Variants in DPP10 observed in about 807,000 individuals in gnomAD.
DPP10 encodes the protein inactive dipeptidyl peptidase 10.
DPP10 carries 33 observed loss-of-function variants against 120.9 expected under a neutral mutation model. The ratio of observed to expected loss-of-function variants is 0.27; its 90% CI spans 0.21 to 0.37. The LOEUF (loss-of-function observed/expected upper bound fraction) is 0.37. Among genes scored for constraint, DPP10 ranks in the 10% least tolerant of loss-of-function variants. DPP10 has a pLI of 1.00. For synonymous variants in DPP10, 337 were observed against 326.1 expected (o/e 1.03, Z -0.36); for missense variants, 816 against 942.8 (o/e 0.87, Z 1.76).
At chr2:114,705,421 T>C (rs1221299072) in intron 1 of DPP10, among the ~76,000 whole-genome samples, 1 of 152,126 alleles carries the variant, frequency 6.6e-6, no homozygotes, top group African/African-American at 2.4e-5. Context: ...ATTCATAAGA[T>C]GTATATTATG....
chr2:114,981,437 A>G (rs957526162), intron 1 of DPP10, among the ~76,000 whole-genome samples: 2 of 152,252 alleles, frequency 1.3e-5, no homozygotes, highest in Non-Finnish European at 2.9e-5. Context: ...TACATAAAAG[A>G]TATACACATA....
intron 1 of DPP10, among the ~76,000 whole-genome samples, chr2:114,481,427 C>A (rs1366870515): frequency 6.6e-6 from 1 of 152,028 alleles, no homozygotes; most frequent in Non-Finnish European, 1.5e-5. Context: ...CAAATGCTAA[C>A]AAGAATGTTG....
intron 1 of DPP10, among the ~76,000 whole-genome samples, chr2:114,878,072 A>G (rs1219376964): frequency 2.0e-5 from 3 of 152,138 alleles, no homozygotes; most frequent in Admixed American, 2.0e-4. Context: ...TTTAATAACA[A>G]GAAAAGAAGA....
intron 24 of DPP10, among the ~76,000 whole-genome samples, chr2:115,837,237 G>A (rs181822528): frequency 6.6e-5 from 10 of 152,124 alleles, no homozygotes; most frequent in Admixed American, 6.5e-4. Context: ...CTTTAAAAAG[G>A]CACTTTCATA....
chr2:114,555,395 G>A (rs112728046), intron 1 of DPP10, among the ~76,000 whole-genome samples: 9 of 152,168 alleles, frequency 5.9e-5, no homozygotes, highest in South Asian at 2.1e-4. Context: ...TTGTAGTGGG[G>A]AAGACAGGAA....
chr2:115,110,401 T>C (rs1224738632), intron 1 of DPP10, among the ~76,000 whole-genome samples: 1 of 152,156 alleles, frequency 6.6e-6, no homozygotes, highest in East Asian at 1.9e-4. Context: ...AATGAATTAC[T>C]AGGAAAAGGA....
chr2:115,617,272 T>TATATATA (rs58444943), intron 5 of DPP10, among the ~76,000 whole-genome samples: 2,120 of 135,802 alleles, frequency 0.016, 53 homozygotes, highest in African/African-American at 0.049. Context: ...TATATATTTT[T>TATATATA]TATATATATA....
At chr2:114,495,208 C>T (rs1292498787) in intron 1 of DPP10, among the ~76,000 whole-genome samples, 1 of 152,148 alleles carries the variant, frequency 6.6e-6, no homozygotes, top group Non-Finnish European at 1.5e-5. Flanking sequence ...TCCTCATCCA[C>T]AGCCATGTCA....
At chr2:115,104,640 C>A (rs184272073) in intron 1 of DPP10, among the ~76,000 whole-genome samples, 234 of 152,194 alleles carry the variant, frequency 1.5e-3, no homozygotes, top group African/African-American at 5.2e-3. Flanking sequence ...CACTGCCCTC[C>A]AATATAACAT....
intron 1 of DPP10, among the ~76,000 whole-genome samples, chr2:114,723,501 G>A (rs1050234180): frequency 6.6e-6 from 1 of 152,166 alleles, no homozygotes; most frequent in Admixed American, 6.5e-5. Context: ...CACTTCAACC[G>A]TAACTTCTCT....
chr2:114,967,291 G>C (rs1343452519), intron 1 of DPP10, among the ~76,000 whole-genome samples: 1 of 152,206 alleles, frequency 6.6e-6, no homozygotes, highest in African/African-American at 2.4e-5. Flanking sequence ...CATGGATCTG[G>C]TGTCCAAGTG....
At chr2:115,599,291 G>A (rs774950644) in intron 5 of DPP10, among the ~76,000 whole-genome samples, 5 of 151,914 alleles carry the variant, frequency 3.3e-5, no homozygotes, top group Non-Finnish European at 7.4e-5. Context: ...CCCCTTCTGG[G>A]ACTCAATTAC....
intron 1 of DPP10, among the ~76,000 whole-genome samples, chr2:115,018,648 A>T (rs1032222111): frequency 2.0e-5 from 3 of 152,104 alleles, no homozygotes; most frequent in African/African-American, 7.2e-5. Context: ...ACTCATAAGT[A>T]GGAGCTGAAC....
At chr2:115,064,841 T>G (rs1349844454) in intron 1 of DPP10, 1 of 1,303,548 alleles carries the variant, frequency 7.7e-7, no homozygotes, top group African/African-American at 1.5e-5. Context: ...TTAGTCTTCT[T>G]TCTAGCAGGG....
At chr2:115,441,769 A>AT (rs565194850) in intron 3 of DPP10, among the ~76,000 whole-genome samples, 1 of 144,288 alleles carries the variant, frequency 6.9e-6, no homozygotes, top group Admixed American at 6.8e-5. Context: ...AAACTTTTAA[A>AT]TTTTTTTGTC....
intron 1 of DPP10, among the ~76,000 whole-genome samples, chr2:114,964,099 G>C (rs2420588): frequency 1.3e-5 from 2 of 152,194 alleles, no homozygotes; most frequent in South Asian, 4.1e-4. Flanking sequence ...ATATTTGATT[G>C]CCTTATTTGT....
intron 1 of DPP10, among the ~76,000 whole-genome samples, chr2:115,305,550 T>C (rs1430909112): frequency 1.3e-5 from 2 of 151,824 alleles, no homozygotes; most frequent in Non-Finnish European, 2.9e-5. Flanking sequence ...CTGGGCAACA[T>C]AGAAGACCTC....
chr2:114,495,212 C>T (rs536369612), intron 1 of DPP10, among the ~76,000 whole-genome samples: 1 of 152,230 alleles, frequency 6.6e-6, no homozygotes, highest in East Asian at 1.9e-4. Context: ...CATCCACAGC[C>T]ATGTCACCTG....
At chr2:115,373,816 G>A (rs941610035) in intron 3 of DPP10, among the ~76,000 whole-genome samples, 1 of 151,504 alleles carries the variant, frequency 6.6e-6, no homozygotes, top group East Asian at 2.0e-4. Context: ...TGACTGTGAG[G>A]CTTCAGGAAA....
Sources: allele counts gnomAD v4.1 joint callset (sites outside exome capture counted in the v4.1 genomes callset), GRCh38; gene constraint gnomAD v4.1.1; transcripts MANE v1.5; gene names NCBI Gene and HGNC (gene_info 2026-07-23, HGNC 2026-07-21).